The following BTBD16 variants were observed in gnomAD, a reference collection of about 807,000 sequenced individuals.
BTBD16 encodes BTB/POZ domain-containing protein 16.
Under a neutral mutation model 67.4 loss-of-function variants are expected in BTBD16, and 66 were observed. That is an observed-to-expected ratio of 0.98 (90% CI 0.80 to 1.20). BTBD16 has a LOEUF of 1.20. BTBD16 is among the 50% of genes most tolerant of loss of function. The probability of loss-of-function intolerance (pLI) is 0.00; values close to 1 mark genes in which losing one functional copy is unlikely to be tolerated. For synonymous variants in BTBD16, 242 were observed against 236.4 expected (o/e 1.02, Z -0.22); for missense variants, 634 against 616.0 (o/e 1.03, Z -0.31).
chr10:122,337,930 A>G, intron 15 of BTBD16, 87 bp from the exon 16 acceptor site: 2 of 1,106,144 alleles, frequency 1.8e-6, no homozygotes, highest in Middle Eastern at 4.1e-4. Context: ...ATTTTCTACA[A>G]CTGTTAGTCC....
At chr10:122,336,708 T>A in intron 15 of BTBD16, 26 bp downstream of exon 15, 1 of 1,542,790 alleles carries the variant, frequency 6.5e-7, no homozygotes, top group Non-Finnish European at 8.7e-7. Flanking sequence ...GTCTTTTCCT[T>A]TATTTCCTTT....
chr10:122,292,004 G>T (rs1039481044), intron 7 of BTBD16, among the ~76,000 whole-genome samples: 1 of 152,168 alleles, frequency 6.6e-6, no homozygotes, highest in Admixed American at 6.5e-5. Flanking sequence ...TGAGCATGAG[G>T]GGGTAACAGA....
At chr10:122,272,269 A>C (rs887424000) in intron 1 of BTBD16, among the ~76,000 whole-genome samples, 1 of 152,216 alleles carries the variant, frequency 6.6e-6, no homozygotes, top group African/African-American at 2.4e-5. Flanking sequence ...ACATGGATGC[A>C]ATTGCAGATG....
intron 10 of BTBD16, among the ~76,000 whole-genome samples, chr10:122,326,015 C>A (rs2096444032): frequency 6.7e-6 from 1 of 150,284 alleles, no homozygotes; most frequent in African/African-American, 2.5e-5. Context: ...TGTCCCAAGT[C>A]TTCTATGCTG....
chr10:122,336,769 AG>A, intron 15 of BTBD16, 87 bp downstream of exon 15: 1 of 1,223,292 alleles, frequency 8.2e-7, no homozygotes, highest in Non-Finnish European at 1.1e-6. Context: ...TCTAATCTCC[AG>A]TGCTCTACAC....
chr10:122,331,057 C>T, intron 11 of BTBD16, 119 bp from the exon 12 acceptor site: 1 of 1,327,868 alleles, frequency 7.5e-7, no homozygotes, highest in South Asian at 1.6e-5. Flanking sequence ...TAAAGGAGAC[C>T]ATCCACCCCT....
intron 10 of BTBD16, among the ~76,000 whole-genome samples, chr10:122,308,704 C>T (rs10749458): frequency 0.52 from 78,287 of 151,844 alleles, 20,463 homozygotes; most frequent in East Asian, 0.64. Flanking sequence ...ATGCTCTCCC[C>T]TGCACACTGT....
chr10:122,319,117 C>T (rs2142113899), intron 10 of BTBD16, among the ~76,000 whole-genome samples: 1 of 152,296 alleles, frequency 6.6e-6, no homozygotes, highest in East Asian at 1.9e-4. Context: ...TTTAAATATT[C>T]TGGATACAAG....
chr10:122,274,082 CA>C (rs2096335059), intron 1 of BTBD16, among the ~76,000 whole-genome samples: 1 of 152,200 alleles, frequency 6.6e-6, no homozygotes. Context: ...AAAGGGAGGT[CA>C]GCTGAGGTTC....
At position 122,334,285 on chromosome 10, in the gene BTBD16, T is replaced by TC. The variant is rs372166568; in HGVS notation, c.1165-594dup. Among the ~76,000 whole-genome samples, 331 of 150,110 alleles carry TC rather than the reference T, an allele frequency of 2.2e-3. 1 individual carries two copies. The highest frequency in any genetic ancestry group is 7.7e-3 in the African/African-American group (312 of 40,752). On this transcript the variant is annotated intron_variant, in intron 13 of 15. Transcript: ENST00000260723. ...ATCTCGGCTCACTGCAAGCTCTGCC[T>TC]CCTGGGTTCATGCTATTCTCTTGCC...
chr10:122,311,314 C>A (rs890866100), intron 10 of BTBD16, among the ~76,000 whole-genome samples: 1 of 152,150 alleles, frequency 6.6e-6, no homozygotes, highest in Non-Finnish European at 1.5e-5. Context: ...GTGTGGCTTG[C>A]AAACACATAC....
At chr10:122,331,808 A>G (rs2096455617) in intron 12 of BTBD16, among the ~76,000 whole-genome samples, 1 of 152,212 alleles carries the variant, frequency 6.6e-6, no homozygotes, top group Non-Finnish European at 1.5e-5. Context: ...GTCACTAGTT[A>G]AAATTCAATC....
intron 2 of BTBD16, among the ~76,000 whole-genome samples, chr10:122,276,407 A>G (rs1459799173): frequency 6.6e-6 from 1 of 152,210 alleles, no homozygotes; most frequent in African/African-American, 2.4e-5. Context: ...TCCTTGCCCA[A>G]GATCTCCACA....
chr10:122,290,786 G>A (rs2096372494), intron 6 of BTBD16, among the ~76,000 whole-genome samples: 1 of 152,168 alleles, frequency 6.6e-6, no homozygotes, highest in Admixed American at 6.5e-5. Context: ...TCCTGCGCAG[G>A]CCACAGACCC....
intron 9 of BTBD16, among the ~76,000 whole-genome samples, chr10:122,306,139 A>C (rs1463279501): frequency 1.3e-5 from 2 of 152,178 alleles, no homozygotes; most frequent in East Asian, 3.8e-4. Context: ...AAGAGTCAGA[A>C]CCATAGAGAG....
chr10:122,329,666 C>A, intron 11 of BTBD16, 95 bp downstream of exon 11: 1 of 1,008,722 alleles, frequency 9.9e-7, no homozygotes, highest in Non-Finnish European at 1.5e-6. Context: ...CTGATGTTTC[C>A]AAGGGAATCA....
chr10:122,327,882 A>G (rs1300503213), intron 10 of BTBD16, among the ~76,000 whole-genome samples: 3 of 152,184 alleles, frequency 2.0e-5, no homozygotes, highest in Non-Finnish European at 4.4e-5. Context: ...GTGGAGGGCA[A>G]TGCTTTCCTC....
At chr10:122,314,989 C>T (rs954390932) in intron 10 of BTBD16, among the ~76,000 whole-genome samples, 3 of 152,032 alleles carry the variant, frequency 2.0e-5, no homozygotes, top group Non-Finnish European at 4.4e-5. Context: ...TCAGTAATTC[C>T]CCAATCTGTG....
rs563548078 is a variant in BTBD16 at position 122,329,533 on chromosome 10, C to T, written c.965C>T (p.Pro322Leu). 157 of 1,613,906 alleles carry T rather than the reference C, an allele frequency of 9.7e-5. 3 individuals are homozygous for T. In the South Asian group the frequency reaches 1.5e-3, roughly 15 times the overall value. ...LDRDIGRSLR[P>L]LFLCLRLHGI... ...CGGGACATAGGACGGAGCTTGAGGC[C>T]GCTCTTCCTCTGCTTGCGTCTGCAC... Residue 322 changes from proline to leucine, a missense_variant, in exon 11 of 16, where the codon CCG becomes CTG. Pro to Leu is a moderately conservative substitution (Grantham distance 98, BLOSUM62 -3). Coordinates refer to ENST00000260723, the MANE Select transcript of BTBD16 (RefSeq NM_144587.5).
Sources: allele counts gnomAD v4.1 joint callset (sites outside exome capture counted in the v4.1 genomes callset), GRCh38; gene constraint gnomAD v4.1.1; transcripts MANE v1.5; gene names NCBI Gene and HGNC (gene_info 2026-07-23, HGNC 2026-07-21).